Variants in MAOB observed in about 807,000 individuals in gnomAD.
MAOB encodes amine oxidase [flavin-containing] B.
MAOB carries 15 observed loss-of-function variants against 41.9 expected under a neutral mutation model. That is an observed-to-expected ratio of 0.36 (90% confidence interval 0.24 to 0.55). MAOB has a LOEUF of 0.55. Among genes scored for constraint, MAOB ranks in the 20% least tolerant of loss-of-function variants. The probability of loss-of-function intolerance (pLI) is 0.86; values close to 1 mark genes in which losing one functional copy is unlikely to be tolerated. For synonymous variants in MAOB, 167 were observed against 144.2 expected, an observed-to-expected ratio of 1.16 and a Z score of -1.13; for missense variants, 345 against 398.7, an observed-to-expected ratio of 0.87 and a Z score of 1.15.
At chrX:43,786,452 C>T (rs2034401022) in intron 8 of MAOB, among the ~76,000 whole-genome samples, 1 of 111,671 alleles carries the variant, frequency 9.0e-6, no homozygotes, top group Non-Finnish European at 1.9e-5. Context: ...CCACTGTGCA[C>T]CTGTTAGAAT....
rs749757718 is a variant in MAOB, at chrX:43,772,103, G to C, written c.1236-2685C>G. Among the ~76,000 whole-genome samples, 97 of 111,726 alleles carry C rather than the reference G, an allele frequency of 8.7e-4. 1 individual carries two copies. Among genetic ancestry groups the C allele is most frequent in the African/African-American group, 2.9e-3 (88 of 30,801 alleles). ...TGTCTTCTCTTTTCCTTCAGAACAT[G>C]TACTGTGAACTTTCAGGGCTCTGAA... On this transcript the variant is annotated intron_variant, in intron 12 of 14. Transcript: ENST00000378069.
chrX:43,797,504 G>A (rs1030882911), intron 5 of MAOB, among the ~76,000 whole-genome samples: 1 of 111,968 alleles, frequency 8.9e-6, no homozygotes, highest in African/African-American at 3.3e-5. Context: ...TCCAGATTCT[G>A]TGCTTTCATG....
At chrX:43,850,087 G>A (rs959834127) in intron 1 of MAOB, among the ~76,000 whole-genome samples, 3 of 111,324 alleles carry the variant, frequency 2.7e-5, no homozygotes, top group Admixed American at 1.9e-4. Context: ...CCTATTTTTC[G>A]GATTAGTAAA....
chrX:43,875,013 C>T (rs995583240), intron 1 of MAOB, among the ~76,000 whole-genome samples: 8 of 112,290 alleles, frequency 7.1e-5, no homozygotes, highest in Admixed American at 1.9e-4. Flanking sequence ...TAAATAAATG[C>T]ATGCTGACTT....
intron 3 of MAOB, among the ~76,000 whole-genome samples, chrX:43,828,721 C>A (rs909511872): frequency 7.2e-5 from 8 of 111,504 alleles, no homozygotes; most frequent in African/African-American, 2.6e-4. Context: ...TGCCAAATAC[C>A]TGGATGGTGG....
intron 14 of MAOB, 134 bp from the exon 15 acceptor site, chrX:43,767,752 C>T (rs2034129980): frequency 1.9e-6 from 1 of 514,255 alleles, no homozygotes. Context: ...GTTCCCTCTG[C>T]TTATACTGTT....
At chrX:43,830,952 C>T (rs1434102959) in intron 3 of MAOB, among the ~76,000 whole-genome samples, 1 of 109,616 alleles carries the variant, frequency 9.1e-6, no homozygotes, top group African/African-American at 3.3e-5. Flanking sequence ...AACACAAAAG[C>T]ATAAATAACG....
intron 2 of MAOB, 23 bp from the exon 3 acceptor site, chrX:43,839,028 T>A: frequency 2.7e-6 from 3 of 1,102,938 alleles, no homozygotes; most frequent in South Asian, 4.5e-5. Flanking sequence ...AGGAAAAAAT[T>A]AAAAAAAATT....
chrX:43,821,440 G>A (rs1220962274), intron 3 of MAOB, among the ~76,000 whole-genome samples: 2 of 111,570 alleles, frequency 1.8e-5, no homozygotes, highest in African/African-American at 6.5e-5. Context: ...AGCCTCACTG[G>A]GCTCACAGGT....
intron 1 of MAOB, among the ~76,000 whole-genome samples, chrX:43,854,828 C>A (rs188194014): frequency 1.3e-3 from 143 of 111,649 alleles, no homozygotes; most frequent in African/African-American, 4.5e-3. Flanking sequence ...AACTTCGCAT[C>A]AAAAAATCAG....
intron 11 of MAOB, among the ~76,000 whole-genome samples, chrX:43,777,328 A>C (rs2034272541): frequency 9.0e-6 from 1 of 111,666 alleles, no homozygotes; most frequent in Admixed American, 9.5e-5. Context: ...TACTTTACTC[A>C]ATATCCTTGA....
intron 1 of MAOB, among the ~76,000 whole-genome samples, chrX:43,849,865 A>G (rs967007723): frequency 8.9e-6 from 1 of 112,678 alleles, no homozygotes; most frequent in East Asian, 2.8e-4. Context: ...TTTTAAATAC[A>G]GTATAAGAAA....
chrX:43,798,057 G>A (rs1352149648), intron 5 of MAOB, among the ~76,000 whole-genome samples: 1 of 111,599 alleles, frequency 9.0e-6, no homozygotes, highest in Non-Finnish European at 1.9e-5. Flanking sequence ...CTATGAAAAC[G>A]ACCACTGGCT....
At chrX:43,812,220 C>T (rs909738188) in intron 3 of MAOB, among the ~76,000 whole-genome samples, 4 of 111,940 alleles carry the variant, frequency 3.6e-5, no homozygotes, top group Admixed American at 9.4e-5. Context: ...GTATATGTAC[C>T]GCATTTCGTT....
intron 1 of MAOB, among the ~76,000 whole-genome samples, chrX:43,861,306 T>C (rs747684118): frequency 6.2e-5 from 7 of 112,880 alleles, no homozygotes; most frequent in African/African-American, 2.2e-4. Context: ...CTAACGCTAG[T>C]GCGGCCATCA....
chrX:43,781,739 A>G (rs2034335944), intron 8 of MAOB, among the ~76,000 whole-genome samples, 195 bp from the exon 9 acceptor site: 1 of 112,077 alleles, frequency 8.9e-6, no homozygotes, highest in Non-Finnish European at 1.9e-5. Context: ...AAAAAATCAA[A>G]CCATAAGCCC....
At chrX:43,878,806 A>T (rs184178374) in intron 1 of MAOB, among the ~76,000 whole-genome samples, 87 of 110,623 alleles carry the variant, frequency 7.9e-4, no homozygotes, top group African/African-American at 2.6e-3. Context: ...ACTAGCCTGC[A>T]GCCAGGCTTG....
rs73472064 is a variant in MAOB, at chrX:43,789,379, T to C, written c.928+4040A>G. ...AACATTTTTCACATACTTTCAGTTT[T>C]TGAAAGTTTTATGGTCATTATATTT... is the stretch of plus-strand genomic sequence containing the variant. On this transcript the variant is annotated intron_variant, in intron 8 of 14. Coordinates refer to ENST00000378069, the MANE Select transcript of MAOB (RefSeq NM_000898.5). Among the ~76,000 whole-genome samples the C allele has an allele frequency of 7.9e-3, 891 of 112,604 alleles. 11 individuals are homozygous for C. The highest frequency in any genetic ancestry group is 0.027 in the African/African-American group (853 of 31,021).
chrX:43,818,684 C>T (rs1053387638), intron 3 of MAOB, among the ~76,000 whole-genome samples: 1 of 112,593 alleles, frequency 8.9e-6, no homozygotes, highest in Admixed American at 9.4e-5. Flanking sequence ...CTGACAGGCT[C>T]GGACAGACCC....
Sources: allele counts gnomAD v4.1 joint callset (sites outside exome capture counted in the v4.1 genomes callset), GRCh38; gene constraint gnomAD v4.1.1; transcripts MANE v1.5; gene names NCBI Gene and HGNC (gene_info 2026-07-23, HGNC 2026-07-21).